The following SNCAIP variants were observed in gnomAD, a reference collection of about 807,000 sequenced individuals.
SNCAIP encodes synphilin-1.
Under a neutral mutation model 86.7 loss-of-function variants are expected in SNCAIP, and 43 were observed. The observed-to-expected ratio is 0.50, with a 90% CI of 0.39 to 0.64. The LOEUF is 0.64. Ranked by LOEUF, SNCAIP falls within the 30% of genes least tolerant of loss-of-function variation. The pLI, the probability that SNCAIP is intolerant of heterozygous loss-of-function variation, is 0.00. For missense variants in SNCAIP, 981 were observed against 1,103.1 expected (o/e 0.89, Z 1.57); for synonymous variants, 417 against 427.2 (o/e 0.98, Z 0.29).
At chr5:122,382,210 G>A (rs937192107) in intron 1 of SNCAIP, among the ~76,000 whole-genome samples, 1 of 152,058 alleles carries the variant, frequency 6.6e-6, no homozygotes, top group Non-Finnish European at 1.5e-5. Context: ...TTTTCACATA[G>A]TCCCATATTT....
intron 2 of SNCAIP, among the ~76,000 whole-genome samples, chr5:122,401,841 G>A (rs940161466): frequency 6.6e-6 from 1 of 152,082 alleles, no homozygotes; most frequent in African/African-American, 2.4e-5. Flanking sequence ...ATACACTATG[G>A]GCCTTTGAGG....
chr5:122,443,572 C>A (rs200136696), intron 7 of SNCAIP: 48 of 456,866 alleles, frequency 1.1e-4, no homozygotes, highest in Admixed American at 1.9e-4. Flanking sequence ...CCCACCCAGA[C>A]TAGACTCAAG....
intron 1 of SNCAIP, among the ~76,000 whole-genome samples, chr5:122,325,981 A>G (rs1486002222): frequency 1.3e-5 from 2 of 152,196 alleles, no homozygotes; most frequent in East Asian, 3.9e-4. Context: ...TTGCAGCTTC[A>G]AAGTTAAGTA....
chr5:122,395,708 T>C (rs144416031), intron 2 of SNCAIP, among the ~76,000 whole-genome samples: 1 of 152,090 alleles, frequency 6.6e-6, no homozygotes, highest in Non-Finnish European at 1.5e-5. Flanking sequence ...CTCCATTCAA[T>C]CCCCTGATGC....
intron 1 of SNCAIP, among the ~76,000 whole-genome samples, chr5:122,330,892 C>G (rs2152695870): frequency 6.6e-6 from 1 of 151,796 alleles, no homozygotes; most frequent in East Asian, 1.9e-4. Context: ...AGATTGTTTT[C>G]CTGCAACTAG....
chr5:122,400,972 T>A, intron 2 of SNCAIP: 1 of 1,540,378 alleles, frequency 6.5e-7, no homozygotes, highest in Non-Finnish European at 8.7e-7. Context: ...CCCTCTTCAC[T>A]CTTCTCACCC....
chr5:122,450,934 C>G lies in SNCAIP; in HGVS notation c.2087C>G (p.Ala696Gly), dbSNP rs865824062. The change falls in exon 10 of 11, where the codon GCT becomes GGT. Residue 696 changes from alanine (A) to glycine (G), a missense_variant. By Grantham distance (60) the Ala-to-Gly change is moderately conservative. Transcript: ENST00000261368. ...CCCAAGACTACCCCAGTGAGGAAGG[C>G]TGACCGACCAAGGCCGCAGCCCATT... ...EDPKTTPVRK[A>G]DRPRPQPIVE... 1 of 1,614,120 alleles carries G rather than the reference C, an allele frequency of 6.2e-7. No homozygotes were observed. Among genetic ancestry groups the G allele is most frequent in the Non-Finnish European group, 8.5e-7 (1 of 1,180,016 alleles).
chr5:122,431,910 G>A, intron 5 of SNCAIP, 59 bp from the exon 6 acceptor site: 1 of 826,920 alleles, frequency 1.2e-6, no homozygotes, highest in Non-Finnish European at 2.1e-6. Context: ...CATCTTTAAT[G>A]TATTTTTCAA....
intron 6 of SNCAIP, among the ~76,000 whole-genome samples, chr5:122,433,713 T>C (rs1778857518): frequency 1.3e-5 from 2 of 152,190 alleles, no homozygotes; most frequent in African/African-American, 4.8e-5. Context: ...TGAAAATGAT[T>C]ACTGGTTATT....
intron 10 of SNCAIP, chr5:122,452,964 C>T (rs1385616812): frequency 6.5e-7 from 1 of 1,548,704 alleles, no homozygotes. Context: ...CTCTAACATG[C>T]TGATTGAAGA....
Position 122,382,935 on chromosome 5 carries a change from C to T in SNCAIP, c.-46-8154C>T, listed in dbSNP as rs1184632752. ...CAGCTGCGTGCTGGGAGAACCACTG[C>T]TCTCTTCAAAGCTGTCAGACAGGGA... On this transcript the variant is annotated intron_variant, in intron 1 of 10. Transcript: ENST00000261368. Among the ~76,000 whole-genome samples, 4 of 152,312 alleles carry T rather than the reference C, an allele frequency of 2.6e-5. No homozygotes were observed. In the East Asian group the frequency reaches 7.8e-4, roughly 30 times the overall value.
At position 122,449,769 on chromosome 5, in the gene SNCAIP, C is replaced by T. The variant is rs576050342; in HGVS notation, c.1593-76C>T. ...TATTGCAACTTACTGGAAATTATTA[C>T]GAAAAATATTATACACCCTAATTTA... On this transcript the variant is annotated intron_variant, in intron 8 of 10. Transcript: ENST00000261368. 145 of 992,130 alleles carry T rather than the reference C, an allele frequency of 1.5e-4. 1 individual carries two copies. In the South Asian group the frequency reaches 1.6e-3, roughly 11 times the overall value. The allele number at this position is 992,130 out of a possible 1,614,324, so 61.5% of individuals were successfully genotyped here.
chr5:122,388,097 G>A (rs958015639), intron 1 of SNCAIP, among the ~76,000 whole-genome samples: 1 of 152,152 alleles, frequency 6.6e-6, no homozygotes, highest in Non-Finnish European at 1.5e-5. Flanking sequence ...AAAATGGGGA[G>A]CACAGGCCCC....
At chr5:122,380,023 C>A (rs7378517) in intron 1 of SNCAIP, among the ~76,000 whole-genome samples, 10 of 151,162 alleles carry the variant, frequency 6.6e-5, no homozygotes, top group Admixed American at 2.0e-4. Flanking sequence ...TGTCTCTGCC[C>A]GGCTTTGGTA....
intron 1 of SNCAIP, among the ~76,000 whole-genome samples, chr5:122,352,992 A>AAAGGATTTGATCCTTTGATC (rs1384168785): frequency 1.6e-4 from 25 of 152,316 alleles, no homozygotes; most frequent in Non-Finnish European, 2.2e-4. Context: ...CCTTTGATAC[A>AAAGGATTTGATCCTTTGATC]CGTACATACA....
intron 1 of SNCAIP, among the ~76,000 whole-genome samples, chr5:122,377,157 G>C (rs1193620980): frequency 6.6e-6 from 1 of 152,072 alleles, no homozygotes. Flanking sequence ...AGAGAGGAAA[G>C]CTTTTTTCTC....
In SNCAIP at chr5:122,445,677, T is replaced by C. The variant is rs572481659; in HGVS notation, c.1592+945T>C. ...ACACACACACACACACACACACATTTTTTTTCTGAATACAGCTGTACCCTA... is the reference window on the plus strand; with the variant it reads ...ACACACACACACACACACACACATTCTTTTTCTGAATACAGCTGTACCCTA... On this transcript the variant is annotated intron_variant, in intron 8 of 10. Coordinates refer to ENST00000261368, the MANE Select transcript of SNCAIP (RefSeq NM_005460.4). Among the ~76,000 whole-genome samples, 3 of 150,026 alleles carry C rather than the reference T, an allele frequency of 2.0e-5. No homozygotes were observed. In the East Asian group the frequency reaches 5.8e-4, roughly 29 times the overall value.
chr5:122,391,115 A>G lies in SNCAIP; in HGVS notation c.-20A>G, dbSNP rs372768541. On this transcript the variant is annotated 5_prime_UTR_variant, in exon 2 of 11. Transcript: ENST00000261368. ...AATTTATAAGTATTTGACCGTACTC[A>G]AAATGTGCAAGGAAGAATAATGGAA... 4 of 1,603,642 alleles carry G rather than the reference A, an allele frequency of 2.5e-6. No homozygotes were observed. The African/African-American group carries it at 5.3e-5, about 21-fold the overall frequency.
At chr5:122,313,334 A>G (rs1008045371) in intron 1 of SNCAIP, among the ~76,000 whole-genome samples, 1 of 152,252 alleles carries the variant, frequency 6.6e-6, no homozygotes, top group African/African-American at 2.4e-5. Flanking sequence ...CAGTCTCGCC[A>G]CACACCACGT....
Sources: allele counts gnomAD v4.1 joint callset (sites outside exome capture counted in the v4.1 genomes callset), GRCh38; gene constraint gnomAD v4.1.1; transcripts MANE v1.5; gene names NCBI Gene and HGNC (gene_info 2026-07-23, HGNC 2026-07-21).